Variants in OCA2 observed in about 807,000 individuals in gnomAD.
OCA2 encodes the protein OCA2 melanosomal transmembrane protein.
OCA2 carries 77 observed loss-of-function variants against 100.2 expected under a neutral mutation model. That is an observed-to-expected ratio of 0.77 (90% CI 0.64 to 0.93). The LOEUF is 0.93. OCA2 is among the 40% of genes least tolerant of loss of function. The pLI is 0.00. For synonymous variants in OCA2, 432 were observed against 439.2 expected (o/e 0.98, Z 0.21); for missense variants, 1,062 against 1,089.1 (o/e 0.98, Z 0.35).
intron 23 of OCA2, among the ~76,000 whole-genome samples, chr15:27,777,800 G>T (rs1393195418): frequency 6.6e-6 from 1 of 152,170 alleles, no homozygotes. Context: ...GTAGGATGCT[G>T]CACCTGTCTG....
chr15:27,771,608 C>G (rs930169589), intron 23 of OCA2, among the ~76,000 whole-genome samples: 3 of 152,078 alleles, frequency 2.0e-5, no homozygotes, highest in African/African-American at 7.3e-5. Context: ...TGGGAGATCC[C>G]AAAGACAGTA....
chr15:27,973,631 T>C (rs553229228), intron 14 of OCA2, among the ~76,000 whole-genome samples: 1 of 152,336 alleles, frequency 6.6e-6, no homozygotes, highest in South Asian at 2.1e-4. Flanking sequence ...TCTAGATTTG[T>C]TATTTTTATT....
intron 6 of OCA2, among the ~76,000 whole-genome samples, chr15:28,019,741 CA>C (rs2042530037): frequency 6.6e-6 from 1 of 152,178 alleles, no homozygotes; most frequent in Middle Eastern, 3.4e-3. Flanking sequence ...TGGGCCTTTC[CA>C]ACCAGGCCGA....
At chr15:28,046,441 G>A (rs779136856) in intron 2 of OCA2, among the ~76,000 whole-genome samples, 3 of 152,148 alleles carry the variant, frequency 2.0e-5, no homozygotes, top group Admixed American at 6.5e-5. Flanking sequence ...TGAGATGAAT[G>A]GAGGTCTCTT....
intron 9 of OCA2, among the ~76,000 whole-genome samples, chr15:27,991,905 T>G (rs541771877): frequency 6.6e-6 from 1 of 152,294 alleles, no homozygotes; most frequent in South Asian, 2.1e-4. Context: ...TGACTAAAAT[T>G]ATATCATTTA....
chr15:28,072,562 C>T (rs1239591114), intron 2 of OCA2, among the ~76,000 whole-genome samples: 1 of 144,564 alleles, frequency 6.9e-6, no homozygotes, highest in Non-Finnish European at 1.5e-5. Flanking sequence ...TGCACTCCAG[C>T]CTGGGCGACA....
At chr15:27,943,489 T>A (rs539383239) in intron 18 of OCA2, among the ~76,000 whole-genome samples, 9 of 152,156 alleles carry the variant, frequency 5.9e-5, no homozygotes, top group Middle Eastern at 3.4e-3. Context: ...CTGTAGAGAA[T>A]CCCCTTCCCT....
the OCA2 span, among the ~76,000 whole-genome samples, chr15:27,742,858 A>G: frequency 2.2e-4 from 34 of 152,282 alleles, no homozygotes; most frequent in Non-Finnish European, 4.3e-4. Context: ...GGCCTTGGGG[A>G]GTGAAGGAAG....
intron 23 of OCA2, among the ~76,000 whole-genome samples, chr15:27,811,211 A>C (rs1461697383): frequency 6.6e-6 from 1 of 152,160 alleles, no homozygotes; most frequent in African/African-American, 2.4e-5. Context: ...TGTCTTTTGC[A>C]GCTACTTGGA....
chr15:28,094,358 G>C (rs1253770515), intron 1 of OCA2, among the ~76,000 whole-genome samples: 2 of 152,146 alleles, frequency 1.3e-5, no homozygotes, highest in African/African-American at 4.8e-5. Flanking sequence ...ACCCTGGGCA[G>C]AGCTCCCGCC....
chr15:27,955,395 C>T (rs1567152742), intron 16 of OCA2, among the ~76,000 whole-genome samples, 180 bp from the exon 17 acceptor site: 3 of 152,164 alleles, frequency 2.0e-5, no homozygotes, highest in Admixed American at 6.5e-5. Context: ...TGCTCACTCT[C>T]TATTTTCCCA....
chr15:28,053,745 GC>G, intron 2 of OCA2, among the ~76,000 whole-genome samples: 1 of 152,314 alleles, frequency 6.6e-6, no homozygotes, highest in Non-Finnish European at 1.5e-5. Context: ...CTTGCAACTA[GC>G]TGAGCCTATT....
At chr15:27,854,598 AG>A (rs1282204574) in intron 21 of OCA2, among the ~76,000 whole-genome samples, 1 of 152,204 alleles carries the variant, frequency 6.6e-6, no homozygotes, top group Non-Finnish European at 1.5e-5. Flanking sequence ...GCAGTCCCTG[AG>A]GCACTTTTCA....
At chr15:28,004,452 G>A (rs78537724) in intron 9 of OCA2, among the ~76,000 whole-genome samples, 3,327 of 152,224 alleles carry the variant, frequency 0.022, 141 homozygotes, top group African/African-American at 0.076. Flanking sequence ...GGACGCCAGC[G>A]GGGCACCCGG....
intron 22 of OCA2, among the ~76,000 whole-genome samples, chr15:27,849,360 C>T (rs1595512076): frequency 6.6e-6 from 1 of 152,228 alleles, no homozygotes; most frequent in East Asian, 1.9e-4. Flanking sequence ...CACTTCACTT[C>T]CTTCCCACAG....
intron 23 of OCA2, among the ~76,000 whole-genome samples, chr15:27,815,237 A>G (rs1253969375): frequency 6.6e-6 from 1 of 152,206 alleles, no homozygotes. Flanking sequence ...GCGTCACAGC[A>G]GAAGAGACTG....
intron 13 of OCA2, among the ~76,000 whole-genome samples, chr15:27,983,956 T>C (rs77520021): frequency 1.5e-4 from 23 of 151,284 alleles, no homozygotes; most frequent in African/African-American, 5.6e-4. Flanking sequence ...ATGTATTTTC[T>C]ATGTATTTAC....
chr15:27,983,469 A>C lies in OCA2; in HGVS notation c.1379T>G (p.Leu460Arg), dbSNP rs779636188. 2 of 1,614,230 alleles carry C rather than the reference A, an allele frequency of 1.2e-6. No homozygotes were observed. The highest frequency in any genetic ancestry group is 2.2e-5 in the South Asian group (2 of 91,086). Residue 460 changes from leucine to arginine, a missense_variant, in exon 14 of 24, where the codon CTC becomes CGC. Transcript: ENST00000354638. Reference protein sequence around the residue: ...TPVTIRLCEVLNLDPRQVLIA... With the variant: ...TPVTIRLCEVRNLDPRQVLIA... ...CAGGACTTGTCTTGGATCAAGGTTGAGCACCTCACACAACCTGTCACAAAT... is the reference window on the plus strand; with the variant it reads ...CAGGACTTGTCTTGGATCAAGGTTGCGCACCTCACACAACCTGTCACAAAT...
rs201291702 is a variant in OCA2 at position 28,081,831 on chromosome 15, G to A, written c.44C>T (p.Pro15Leu). 8.4e-5 allele frequency: 135 copies of A among 1,611,662 alleles called. No homozygotes were observed. Among genetic ancestry groups the A allele is most frequent in the Middle Eastern group, 6.6e-4 (4 of 6,042 alleles). The change falls in exon 2 of 24, where the codon CCG (proline) becomes CTG (leucine). Residue 15 changes from proline (P) to leucine (L), a missense_variant. Transcript: ENST00000354638. ...GGACGTCTGCAGGAGCTCCACCGCCGGCGCGCCGGGGTACCGCCTGCCGTC... is the reference window on the plus strand; with the variant it reads ...GGACGTCTGCAGGAGCTCCACCGCCAGCGCGCCGGGGTACCGCCTGCCGTC... ...GRDGRRYPGA[P>L]AVELLQTSVP...
Sources: gnomAD v4.1 joint callset for allele counts (sites outside exome capture counted in the v4.1 genomes callset) on GRCh38, gnomAD v4.1.1 for gene constraint, MANE v1.5 for transcripts, NCBI Gene and HGNC (gene_info 2026-07-23, HGNC 2026-07-21) for gene names.